PTPN3: variants seen among roughly 807,000 people sequenced by gnomAD.
The protein encoded by PTPN3 is protein tyrosine phosphatase non-receptor type 3.
A neutral mutation model predicts 132.7 loss-of-function variants in PTPN3; 96 were observed. The observed-to-expected ratio is 0.72, with a 90% CI of 0.61 to 0.86. The LOEUF is 0.86. PTPN3 is among the 40% of genes least tolerant of loss of function. The pLI is 0.00. For synonymous variants in PTPN3, 398 were observed against 429.0 expected (o/e 0.93, Z 0.89); for missense variants, 1,125 against 1,159.6 (o/e 0.97, Z 0.43).
the PTPN3 span, among the ~76,000 whole-genome samples, chr9:109,508,663 G>A: frequency 2.8e-3 from 427 of 152,270 alleles, 3 homozygotes; most frequent in African/African-American, 9.7e-3. Context: ...TGTATCTAAA[G>A]GTTCTTTGTC....
chr9:109,430,668 C>G, intron 10 of PTPN3, among the ~76,000 whole-genome samples: 1 of 152,178 alleles, frequency 6.6e-6, no homozygotes, highest in East Asian at 1.9e-4. Context: ...AGACAGGAAC[C>G]ACATAAAGAA....
At chr9:109,523,231 C>A in the PTPN3 span, among the ~76,000 whole-genome samples, 1 of 151,958 alleles carries the variant, frequency 6.6e-6, no homozygotes, top group African/African-American at 2.4e-5. Context: ...TCTCCTGCCT[C>A]AGCCTCCCGA....
At chr9:109,434,139 T>C (rs1215528755) in intron 9 of PTPN3, among the ~76,000 whole-genome samples, 1 of 152,154 alleles carries the variant, frequency 6.6e-6, no homozygotes, top group Non-Finnish European at 1.5e-5. Context: ...TACTTGGTTT[T>C]TGTGTGTTTG....
chr9:109,450,946 G>A (rs1845200971), intron 5 of PTPN3: 1 of 984,524 alleles, frequency 1.0e-6, no homozygotes, highest in Non-Finnish European at 1.2e-6. Context: ...CCTTCAGAGG[G>A]AATTTCCTTA....
At chr9:109,387,193 C>T (rs1193130128) in intron 22 of PTPN3, among the ~76,000 whole-genome samples, 1 of 152,112 alleles carries the variant, frequency 6.6e-6, no homozygotes, top group Admixed American at 6.5e-5. Flanking sequence ...TGTGTCCTAT[C>T]AACAAATGAG....
chr9:109,522,293 A>C, the PTPN3 span, among the ~76,000 whole-genome samples: 1 of 152,212 alleles, frequency 6.6e-6, no homozygotes, highest in African/African-American at 2.4e-5. Context: ...AGTGCAGGCT[A>C]TAGACCAAAG....
At chr9:109,531,437 A>G in the PTPN3 span, among the ~76,000 whole-genome samples, 1 of 152,224 alleles carries the variant, frequency 6.6e-6, no homozygotes, top group Non-Finnish European at 1.5e-5. Context: ...CGTCCTGGGA[A>G]TAGCAGAATA....
At chr9:109,382,851 G>A (rs1228269880) in intron 23 of PTPN3, among the ~76,000 whole-genome samples, 1 of 150,286 alleles carries the variant, frequency 6.7e-6, no homozygotes, top group African/African-American at 2.5e-5. Context: ...GAGAATACTC[G>A]CAATGTTGTA....
At chr9:109,527,388 G>A in the PTPN3 span, among the ~76,000 whole-genome samples, 76 of 152,282 alleles carry the variant, frequency 5.0e-4, 1 homozygote, top group African/African-American at 1.7e-3. Context: ...TTGAGCCAGG[G>A]GCGGGGAGGT....
At chr9:109,391,269 C>A in intron 20 of PTPN3, 70 bp from the exon 21 acceptor site, 1 of 1,463,250 alleles carries the variant, frequency 6.8e-7, no homozygotes, top group South Asian at 1.2e-5. Context: ...AACCAGAGTT[C>A]AGTTCCCAGC....
At chr9:109,428,508 G>A (rs1350521121) in intron 11 of PTPN3, 113 bp downstream of exon 11, 19 of 1,084,188 alleles carry the variant, frequency 1.8e-5, no homozygotes, top group Non-Finnish European at 2.4e-5. Flanking sequence ...CTACTTGGGA[G>A]GCTGAGGCAG....
chr9:109,388,328 A>G (rs1250369511), intron 22 of PTPN3, among the ~76,000 whole-genome samples: 1 of 152,208 alleles, frequency 6.6e-6, no homozygotes, highest in Non-Finnish European at 1.5e-5. Context: ...GTTTCTACCA[A>G]TGGATAAACA....
chr9:109,450,968 C>A, intron 5 of PTPN3: 1 of 984,242 alleles, frequency 1.0e-6, no homozygotes, highest in South Asian at 4.7e-5. Flanking sequence ...ACAGGAACTA[C>A]AAAGCTGGGG....
intron 1 of PTPN3, among the ~76,000 whole-genome samples, chr9:109,474,411 C>T (rs1387943423): frequency 6.6e-6 from 1 of 152,142 alleles, no homozygotes; most frequent in African/African-American, 2.4e-5. Context: ...GCCGTCTCTG[C>T]GCCAGGCCAG....
chr9:109,519,784 A>G, the PTPN3 span, among the ~76,000 whole-genome samples: 3 of 152,202 alleles, frequency 2.0e-5, no homozygotes, highest in Non-Finnish European at 2.9e-5. Flanking sequence ...GCATCAACGC[A>G]CTTAACCCTG....
intron 1 of PTPN3, among the ~76,000 whole-genome samples, chr9:109,478,506 A>C (rs1846799020): frequency 6.6e-6 from 1 of 152,228 alleles, no homozygotes; most frequent in African/African-American, 2.4e-5. Context: ...AAGAGGAAGC[A>C]TGTGACCAAG....
chr9:109,511,744 A>G, the PTPN3 span, among the ~76,000 whole-genome samples: 1 of 152,172 alleles, frequency 6.6e-6, no homozygotes, highest in African/African-American at 2.4e-5. Context: ...ACTAAGTTTT[A>G]GCAGTGTTTT....
chr9:109,401,252 T>G (rs1841068950), intron 19 of PTPN3, among the ~76,000 whole-genome samples: 1 of 152,196 alleles, frequency 6.6e-6, no homozygotes, highest in Non-Finnish European at 1.5e-5. Context: ...GTGGTTCCGG[T>G]TGGGTCTTCA....
At chr9:109,481,638 TC>T (rs1846963069) in intron 1 of PTPN3, among the ~76,000 whole-genome samples, 2 of 152,228 alleles carry the variant, frequency 1.3e-5, no homozygotes. Context: ...TTTAGATTTC[TC>T]CTTAAATGTA....
Sources: allele counts gnomAD v4.1 joint callset (sites outside exome capture counted in the v4.1 genomes callset), GRCh38; gene constraint gnomAD v4.1.1; transcripts MANE v1.5; gene names NCBI Gene and HGNC (gene_info 2026-07-23, HGNC 2026-07-21).